Variants in GABBR2 observed in about 807,000 individuals in gnomAD.
GABBR2 encodes gamma-aminobutyric acid type B receptor subunit 2, also known as G-protein coupled receptor 51.
A neutral mutation model predicts 105.6 loss-of-function variants in GABBR2; 23 were observed. The observed-to-expected ratio is 0.22, with a 90% confidence interval of 0.16 to 0.31. The LOEUF (loss-of-function observed/expected upper bound fraction) is 0.31. Among genes scored for constraint, GABBR2 ranks in the 10% least tolerant of loss-of-function variants. The pLI, the probability that GABBR2 is intolerant of heterozygous loss-of-function variation, is 1.00. For missense variants in GABBR2, 734 were observed against 1,245.5 expected, an observed-to-expected ratio of 0.59 and a Z score of 6.18; for synonymous variants, 478 against 499.7, an observed-to-expected ratio of 0.96 and a Z score of 0.58.
At chr9:98,499,261 TA>T (rs1351306042) in intron 3 of GABBR2, among the ~76,000 whole-genome samples, 1 of 152,218 alleles carries the variant, frequency 6.6e-6, no homozygotes, top group East Asian at 1.9e-4. Flanking sequence ...CATGGCAGAA[TA>T]AAATGTTTTA....
At chr9:98,442,565 C>A (rs1224716095) in intron 7 of GABBR2, among the ~76,000 whole-genome samples, 1 of 152,216 alleles carries the variant, frequency 6.6e-6, no homozygotes, top group Non-Finnish European at 1.5e-5. Flanking sequence ...ACCTCCTTAA[C>A]CTCTTAGCTG....
At chr9:98,318,745 C>T (rs925351638) in intron 13 of GABBR2, among the ~76,000 whole-genome samples, 1 of 152,188 alleles carries the variant, frequency 6.6e-6, no homozygotes, top group Non-Finnish European at 1.5e-5. Context: ...TGACCAGCTC[C>T]CAGAAGTTGG....
At chr9:98,400,196 T>TA (rs1300092978) in intron 8 of GABBR2, among the ~76,000 whole-genome samples, 6,934 of 132,272 alleles carry the variant, frequency 0.052, 596 homozygotes, top group African/African-American at 0.18. Flanking sequence ...TTTTTTTTTT[T>TA]AAAAAAAAAA....
chr9:98,568,036 G>A (rs871002), intron 2 of GABBR2, among the ~76,000 whole-genome samples: 18,434 of 152,210 alleles, frequency 0.12, 1,477 homozygotes, highest in Non-Finnish European at 0.18. Flanking sequence ...GAATGAGTAA[G>A]AACAGAACCT....
rs1040898242 is a variant in GABBR2, at chr9:98,498,746, A to G, written c.631-2232T>C. 3.3e-5 allele frequency among the ~76,000 whole-genome samples: 5 copies of G among 152,126 alleles called. No homozygotes were observed. In the East Asian group the frequency reaches 5.8e-4, roughly 18 times the overall value. ...TTCGTTTTTACCTCAATTTGATGGA[A>G]GATTGGTAACTAGTCAATGGGGGGA... On this transcript the variant is annotated intron_variant, in intron 3 of 18. Transcript: ENST00000259455.
At chr9:98,548,066 A>G (rs781489745) in intron 2 of GABBR2, among the ~76,000 whole-genome samples, 1 of 121,162 alleles carries the variant, frequency 8.3e-6, no homozygotes, top group Non-Finnish European at 1.9e-5. Context: ...TCTTTATCCT[A>G]CAATAGATCA....
At chr9:98,363,095 C>T (rs577039726) in intron 12 of GABBR2, among the ~76,000 whole-genome samples, 17 of 152,258 alleles carry the variant, frequency 1.1e-4, no homozygotes, top group African/African-American at 3.6e-4. Flanking sequence ...AGTCCCTGGC[C>T]GAGCTGTGAT....
chr9:98,352,053 A>G (rs1024154052), intron 13 of GABBR2, among the ~76,000 whole-genome samples: 3 of 152,204 alleles, frequency 2.0e-5, no homozygotes, highest in African/African-American at 4.8e-5. Flanking sequence ...GAATGGGCTT[A>G]GTAGTGTAGT....
intron 12 of GABBR2, among the ~76,000 whole-genome samples, chr9:98,365,467 G>A (rs1166011427): frequency 2.6e-5 from 4 of 152,206 alleles, no homozygotes; most frequent in Non-Finnish European, 2.9e-5. Context: ...GTGCGTGGTG[G>A]GAAGATGCTG....
chr9:98,353,819 C>T (rs780569436), intron 13 of GABBR2, among the ~76,000 whole-genome samples: 5 of 151,326 alleles, frequency 3.3e-5, no homozygotes, highest in African/African-American at 9.7e-5. Context: ...GGGGGGGTGG[C>T]GGAATTCCCC....
intron 1 of GABBR2, among the ~76,000 whole-genome samples, chr9:98,693,524 C>A (rs979587213): frequency 1.3e-5 from 2 of 152,210 alleles, no homozygotes; most frequent in Admixed American, 6.5e-5. Flanking sequence ...ACAGTTTCAA[C>A]CCCAGAGGCT....
At chr9:98,402,490 G>A (rs10986118) in intron 8 of GABBR2, among the ~76,000 whole-genome samples, 5,188 of 152,166 alleles carry the variant, frequency 0.034, 154 homozygotes, top group East Asian at 0.11. Context: ...CCTTACCTAC[G>A]GCCAAGGGTG....
chr9:98,595,243 C>T (rs923449342), intron 1 of GABBR2, among the ~76,000 whole-genome samples: 3 of 151,970 alleles, frequency 2.0e-5, no homozygotes, highest in Admixed American at 1.3e-4. Context: ...GAACAAGCTC[C>T]CTTGTACCTC....
intron 3 of GABBR2, among the ~76,000 whole-genome samples, chr9:98,535,975 T>C (rs778664308): frequency 7.0e-4 from 107 of 152,158 alleles, no homozygotes; most frequent in Non-Finnish European, 1.3e-3. Context: ...ATGTAAACTC[T>C]GGAGTCTGGG....
intron 13 of GABBR2, among the ~76,000 whole-genome samples, chr9:98,343,584 G>A (rs1386439110): frequency 6.6e-6 from 1 of 152,196 alleles, no homozygotes; most frequent in East Asian, 1.9e-4. Flanking sequence ...TCCTGGCCGG[G>A]CGCGGTGGCT....
chr9:98,380,707 G>A (rs612505), intron 11 of GABBR2, among the ~76,000 whole-genome samples: 3,696 of 152,298 alleles, frequency 0.024, 74 homozygotes, highest in Non-Finnish European at 0.035. Flanking sequence ...TTCTGGAAAG[G>A]GTCAGAGGGA....
intron 2 of GABBR2, among the ~76,000 whole-genome samples, chr9:98,573,282 CTTA>C (rs1245772461): frequency 2.6e-5 from 4 of 152,166 alleles, no homozygotes; most frequent in Admixed American, 6.5e-5. Context: ...TTTCACAACA[CTTA>C]TTATTTTTTT....
intron 1 of GABBR2, among the ~76,000 whole-genome samples, chr9:98,644,105 C>A (rs181407060): frequency 6.6e-6 from 1 of 152,150 alleles, no homozygotes; most frequent in African/African-American, 2.4e-5. Flanking sequence ...ACCTGGAAAG[C>A]GGAGCGATGA....
intron 7 of GABBR2, among the ~76,000 whole-genome samples, chr9:98,446,425 C>G (rs1027310029): frequency 6.6e-6 from 1 of 152,192 alleles, no homozygotes; most frequent in Non-Finnish European, 1.5e-5. Context: ...TCACACAGCT[C>G]TAAGAGATAC....
Sources: gnomAD v4.1 joint callset for allele counts (sites outside exome capture counted in the v4.1 genomes callset) on GRCh38, gnomAD v4.1.1 for gene constraint, MANE v1.5 for transcripts, NCBI Gene and HGNC (gene_info 2026-07-23, HGNC 2026-07-21) for gene names.